NLGN1: variants seen among roughly 807,000 people sequenced by gnomAD.
The protein encoded by NLGN1 is neuroligin 1, also known as neuroligin-1.
NLGN1 carries 12 observed loss-of-function variants against 65.5 expected under a neutral mutation model. The ratio of observed to expected loss-of-function variants is 0.18; its 90% CI spans 0.12 to 0.30. NLGN1 has a LOEUF of 0.30. Ranked by LOEUF, NLGN1 falls within the 10% of genes least tolerant of loss-of-function variation. The pLI, the probability that NLGN1 is intolerant of heterozygous loss-of-function variation, is 1.00. For missense variants in NLGN1, 750 were observed against 1,007.1 expected (o/e 0.74, Z 3.46); for synonymous variants, 350 against 359.5 (o/e 0.97, Z 0.30).
intron 4 of NLGN1, among the ~76,000 whole-genome samples, chr3:173,883,228 A>G (rs1231323838): frequency 6.6e-6 from 1 of 152,168 alleles, no homozygotes; most frequent in East Asian, 1.9e-4. Context: ...TTGAGGAGTT[A>G]TTAATTGGCC....
chr3:173,576,249 A>G (rs1213102127), intron 2 of NLGN1, among the ~76,000 whole-genome samples: 2 of 152,150 alleles, frequency 1.3e-5, no homozygotes, highest in African/African-American at 2.4e-5. Flanking sequence ...TGTGGTTCAC[A>G]TTATGTTTCT....
intron 4 of NLGN1, among the ~76,000 whole-genome samples, chr3:174,054,437 G>T (rs1735585914): frequency 6.6e-6 from 1 of 152,000 alleles, no homozygotes; most frequent in Non-Finnish European, 1.5e-5. Flanking sequence ...ATAATTCAAT[G>T]AGTTCTATAA....
intron 4 of NLGN1, among the ~76,000 whole-genome samples, chr3:173,895,209 A>C (rs1364775224): frequency 6.6e-6 from 1 of 152,112 alleles, no homozygotes. Flanking sequence ...ATCTCTCTGA[A>C]CACAGTCCTT....
chr3:174,133,893 A>AGCACACAC, intron 4 of NLGN1, among the ~76,000 whole-genome samples: 1 of 144,900 alleles, frequency 6.9e-6, no homozygotes, highest in Middle Eastern at 3.5e-3. Context: ...CACCCCACAA[A>AGCACACAC]ACACACACAC....
At chr3:173,733,234 C>A (rs940927322) in intron 3 of NLGN1, among the ~76,000 whole-genome samples, 1 of 152,032 alleles carries the variant, frequency 6.6e-6, no homozygotes, top group Non-Finnish European at 1.5e-5. Context: ...GCAGGTGGTG[C>A]TTGAGTTATA....
chr3:173,733,900 A>G (rs1314250114), intron 3 of NLGN1, among the ~76,000 whole-genome samples: 1 of 152,098 alleles, frequency 6.6e-6, no homozygotes, highest in African/African-American at 2.4e-5. Flanking sequence ...TGGATAGTGC[A>G]TTTTCAGTTT....
chr3:173,617,449 C>T (rs1223955417), intron 3 of NLGN1, among the ~76,000 whole-genome samples: 2 of 152,200 alleles, frequency 1.3e-5, no homozygotes, highest in Admixed American at 6.5e-5. Context: ...TCATCTCCCA[C>T]CATCTGCATT....
chr3:173,744,646 G>A (rs1183250974), intron 3 of NLGN1, among the ~76,000 whole-genome samples: 1 of 152,062 alleles, frequency 6.6e-6, no homozygotes, highest in African/African-American at 2.4e-5. Flanking sequence ...AAGCATGATT[G>A]TGTGAACACT....
rs1158501551 is a variant in NLGN1 at position 173,519,109 on chromosome 3, C to T, written c.-321+84031C>T. ...AGAGGGTGCAAACTATAAGTCTTTG[C>T]AGCTTTCACATGGTGATAAGCCTGC... is the stretch of plus-strand genomic sequence containing the variant. On this transcript the variant is annotated intron_variant, in intron 2 of 6. Transcript: ENST00000457714. 2.6e-5 allele frequency among the ~76,000 whole-genome samples: 4 copies of T among 152,304 alleles called. No individual in the cohort carries two copies. The East Asian group carries it at 7.7e-4, about 29-fold the overall frequency.
intron 2 of NLGN1, chr3:173,584,535 C>G (rs1224053340): frequency 6.8e-6 from 1 of 147,566 alleles, no homozygotes; most frequent in Non-Finnish European, 1.5e-5. Context: ...TGAAATTGTT[C>G]TTCTGGACAT....
chr3:174,147,157 T>G (rs1474894084), intron 4 of NLGN1, among the ~76,000 whole-genome samples: 4 of 152,094 alleles, frequency 2.6e-5, no homozygotes, highest in African/African-American at 9.7e-5. Flanking sequence ...GTATTTTTTG[T>G]TAATGCCAAA....
At chr3:173,573,634 T>C (rs1745001894) in intron 2 of NLGN1, among the ~76,000 whole-genome samples, 1 of 151,128 alleles carries the variant, frequency 6.6e-6, no homozygotes, top group Admixed American at 6.6e-5. Flanking sequence ...CAGGCTTTCC[T>C]GAGATCTTAT....
intron 4 of NLGN1, among the ~76,000 whole-genome samples, chr3:173,881,642 G>A (rs1027271972): frequency 3.3e-5 from 5 of 151,568 alleles, no homozygotes; most frequent in South Asian, 2.1e-4. Flanking sequence ...TAGCCAGGAT[G>A]GTCTCGATCT....
chr3:173,827,016 T>C (rs552476968), intron 4 of NLGN1, among the ~76,000 whole-genome samples: 2 of 152,174 alleles, frequency 1.3e-5, no homozygotes, highest in Non-Finnish European at 2.9e-5. Flanking sequence ...GAGAGGAAGC[T>C]GGAAAATCTA....
chr3:173,933,674 AAT>A (rs1744539711), intron 4 of NLGN1, among the ~76,000 whole-genome samples: 1 of 152,156 alleles, frequency 6.6e-6, no homozygotes, highest in Non-Finnish European at 1.5e-5. Context: ...CATATGATGA[AAT>A]GATAATGACT....
At chr3:173,437,771 AC>A (rs1490736068) in intron 2 of NLGN1, among the ~76,000 whole-genome samples, 4 of 149,878 alleles carry the variant, frequency 2.7e-5, no homozygotes, top group African/African-American at 9.8e-5. Flanking sequence ...TACTTTCACC[AC>A]CCCCACCCAC....
intron 4 of NLGN1, among the ~76,000 whole-genome samples, chr3:174,070,060 C>A (rs181980981): frequency 1.3e-5 from 2 of 152,110 alleles, no homozygotes; most frequent in African/African-American, 4.8e-5. Context: ...TATTAGCTGT[C>A]GCTGTTCTTA....
At chr3:173,943,537 C>G (rs10936772) in intron 4 of NLGN1, among the ~76,000 whole-genome samples, 42,520 of 151,796 alleles carry the variant, frequency 0.28, 6,287 homozygotes, top group African/African-American at 0.35. Context: ...TAGGTAATGG[C>G]GAGTCTGGTC....
At chr3:174,126,285 C>T (rs1718927393) in intron 4 of NLGN1, among the ~76,000 whole-genome samples, 1 of 151,998 alleles carries the variant, frequency 6.6e-6, no homozygotes, top group African/African-American at 2.4e-5. Flanking sequence ...CCCTGTCTCT[C>T]CCATTAGATT....
Sources: gnomAD v4.1 joint callset for allele counts (sites outside exome capture counted in the v4.1 genomes callset) on GRCh38, gnomAD v4.1.1 for gene constraint, MANE v1.5 for transcripts, NCBI Gene and HGNC (gene_info 2026-07-23, HGNC 2026-07-21) for gene names.